The following LUZP2 variants were observed in gnomAD, a reference collection of about 807,000 sequenced individuals.
LUZP2 encodes the protein leucine zipper protein 2.
LUZP2 carries 52 observed loss-of-function variants against 51.6 expected under a neutral mutation model. The observed-to-expected ratio is 1.01, with a 90% CI of 0.81 to 1.27. The LOEUF is 1.27. Among genes scored for constraint, LUZP2 ranks in the 50% most tolerant of loss-of-function variants. The pLI, the probability that LUZP2 is intolerant of heterozygous loss-of-function variation, is 0.00. For missense variants in LUZP2, 436 were observed against 395.4 expected (o/e 1.10, Z -0.87); for synonymous variants, 154 against 137.3 (o/e 1.12, Z -0.85).
chr11:24,851,050 A>G (rs543021463), intron 5 of LUZP2, among the ~76,000 whole-genome samples: 1 of 152,202 alleles, frequency 6.6e-6, no homozygotes, highest in Non-Finnish European at 1.5e-5. Context: ...CAATCATGTC[A>G]TCTGTAAACA....
chr11:24,896,726 G>A (rs1853073865), intron 5 of LUZP2, among the ~76,000 whole-genome samples: 1 of 152,228 alleles, frequency 6.6e-6, no homozygotes, highest in African/African-American at 2.4e-5. Context: ...GGTGGCCCCG[G>A]CACGGGATCC....
chr11:24,793,184 A>G (rs1343726274), intron 5 of LUZP2, among the ~76,000 whole-genome samples: 1 of 152,160 alleles, frequency 6.6e-6, no homozygotes, highest in Admixed American at 6.6e-5. Flanking sequence ...ATTTCCCTGT[A>G]TGATTGCTGA....
At chr11:24,570,900 A>G (rs1017724680) in intron 1 of LUZP2, among the ~76,000 whole-genome samples, 1 of 152,080 alleles carries the variant, frequency 6.6e-6, no homozygotes, top group Non-Finnish European at 1.5e-5. Flanking sequence ...ATTTATCTGA[A>G]ATCATACAGC....
chr11:24,917,261 A>T (rs976514554), intron 7 of LUZP2, among the ~76,000 whole-genome samples: 1 of 151,976 alleles, frequency 6.6e-6, no homozygotes, highest in Non-Finnish European at 1.5e-5. Flanking sequence ...AGATTGCAAA[A>T]ATTTTCTCCC....
chr11:24,602,094 A>ATATATGTGTTTATGTGTATATATG (rs1853693120), intron 1 of LUZP2, among the ~76,000 whole-genome samples: 1 of 127,592 alleles, frequency 7.8e-6, no homozygotes, highest in African/African-American at 3.0e-5. Flanking sequence ...GTATATATGT[A>ATATATGTGTTTATGTGTATATATG]TATATGTGTA....
At chr11:25,041,908 A>G (rs1398390668) in intron 9 of LUZP2, among the ~76,000 whole-genome samples, 1 of 152,122 alleles carries the variant, frequency 6.6e-6, no homozygotes, top group African/African-American at 2.4e-5. Context: ...GGGAACCCCT[A>G]TTGTGAACTG....
chr11:25,002,741 T>C (rs1180971120), intron 9 of LUZP2, among the ~76,000 whole-genome samples: 3 of 152,198 alleles, frequency 2.0e-5, no homozygotes, highest in African/African-American at 4.8e-5. Context: ...CCCTGCTCTC[T>C]CTCTGATGTA....
At chr11:24,763,855 C>T (rs1308167987) in intron 5 of LUZP2, among the ~76,000 whole-genome samples, 4 of 151,982 alleles carry the variant, frequency 2.6e-5, no homozygotes, top group African/African-American at 9.7e-5. Context: ...ATAATTTCTC[C>T]ATTACCTATT....
chr11:24,594,585 G>A (rs1853370034), intron 1 of LUZP2, among the ~76,000 whole-genome samples: 1 of 151,926 alleles, frequency 6.6e-6, no homozygotes, highest in Non-Finnish European at 1.5e-5. Flanking sequence ...TTTTCCAAAT[G>A]AACTGTAATA....
rs1859386024 is a variant in LUZP2, at chr11:25,078,591, A to G, written c.974A>G (p.Lys325Arg). Residue 325 changes from lysine (K) to arginine (R), a missense_variant, in exon 12 of 12, where the codon AAA becomes AGA. By Grantham distance (26) the Lys-to-Arg change is conservative. Coordinates refer to ENST00000336930, the MANE Select transcript of LUZP2 (RefSeq NM_001009909.4). ...QMPPCSECEVKKAPEKPLTSF... is the reference protein window; with the variant it reads ...QMPPCSECEVRKAPEKPLTSF... ...CCTCCTTGCTCTGAATGTGAGGTGA[A>G]AAAAGCCCCAGAAAAACCATTGACC... is the stretch of plus-strand genomic sequence containing the variant. The G allele has an allele frequency of 6.2e-7, 1 of 1,612,770 alleles. No homozygotes were observed. The highest frequency in any genetic ancestry group is 1.7e-5 in the Admixed American group (1 of 59,640).
intron 1 of LUZP2, among the ~76,000 whole-genome samples, chr11:24,567,532 A>G (rs1430654090): frequency 2.0e-5 from 3 of 152,120 alleles, no homozygotes; most frequent in African/African-American, 7.2e-5. Context: ...GATACACCAT[A>G]GTCAAAATAT....
At chr11:25,027,109 A>C (rs1857515743) in intron 9 of LUZP2, among the ~76,000 whole-genome samples, 1 of 152,090 alleles carries the variant, frequency 6.6e-6, no homozygotes, top group African/African-American at 2.4e-5. Flanking sequence ...ATACCATTGT[A>C]TACAAGCAAT....
chr11:24,849,623 T>A (rs1249914751), intron 5 of LUZP2, among the ~76,000 whole-genome samples: 1 of 152,216 alleles, frequency 6.6e-6, no homozygotes, highest in Non-Finnish European at 1.5e-5. Context: ...TGATTTATCA[T>A]CCTTTGGGTA....
intron 1 of LUZP2, among the ~76,000 whole-genome samples, chr11:24,688,346 T>C (rs10454001): frequency 0.18 from 28,067 of 151,978 alleles, 2,681 homozygotes; most frequent in East Asian, 0.33. Context: ...AGCTAGAGAA[T>C]TGTATGGTCA....
chr11:24,628,310 G>A (rs1293716390), intron 1 of LUZP2, among the ~76,000 whole-genome samples: 2 of 151,908 alleles, frequency 1.3e-5, no homozygotes, highest in South Asian at 2.1e-4. Context: ...TCATTATGCT[G>A]TTTTGCTTTG....
intron 10 of LUZP2, among the ~76,000 whole-genome samples, chr11:25,073,504 T>TTGC (rs1339685533): frequency 6.6e-6 from 1 of 152,202 alleles, no homozygotes; most frequent in Admixed American, 6.6e-5. Context: ...GCTGTGCCCA[T>TTGC]TGCTGCCTCT....
intron 1 of LUZP2, among the ~76,000 whole-genome samples, chr11:24,570,779 G>T (rs1055098969): frequency 2.6e-5 from 4 of 151,934 alleles, no homozygotes; most frequent in African/African-American, 9.7e-5. Context: ...GAAGCCAAGA[G>T]GTGGAGTTCT....
intron 9 of LUZP2, among the ~76,000 whole-genome samples, chr11:25,012,469 C>T (rs993140861): frequency 3.3e-5 from 5 of 152,172 alleles, no homozygotes; most frequent in Non-Finnish European, 7.3e-5. Flanking sequence ...CTCCCTGATG[C>T]ATTTTTACTT....
At chr11:24,897,713 C>T (rs1014829625) in intron 5 of LUZP2, among the ~76,000 whole-genome samples, 7 of 152,122 alleles carry the variant, frequency 4.6e-5, no homozygotes, top group African/African-American at 1.7e-4. Flanking sequence ...TCAGTGAGAC[C>T]AAGAACCCAC....
Sources: gnomAD v4.1 joint callset for allele counts (sites outside exome capture counted in the v4.1 genomes callset) on GRCh38, gnomAD v4.1.1 for gene constraint, MANE v1.5 for transcripts, NCBI Gene and HGNC (gene_info 2026-07-23, HGNC 2026-07-21) for gene names.